The following DNAJB6 variants were observed in gnomAD, a reference collection of about 807,000 sequenced individuals.
The protein encoded by DNAJB6 is dnaJ homolog subfamily B member 6.
In DNAJB6, 16 loss-of-function variants were observed where a neutral mutation model predicts 42.7. That is an observed-to-expected ratio of 0.37 (90% CI 0.25 to 0.57). DNAJB6 has a LOEUF of 0.57. Ranked by LOEUF, DNAJB6 falls within the 20% of genes least tolerant of loss-of-function variation. The pLI is 0.74. For missense variants in DNAJB6, 347 were observed against 416.8 expected (o/e 0.83, Z 1.46); for synonymous variants, 170 against 163.5 (o/e 1.04, Z -0.30).
At chr7:157,350,271 AG>A (rs1456094735) in intron 1 of DNAJB6, among the ~76,000 whole-genome samples, 1 of 152,188 alleles carries the variant, frequency 6.6e-6, no homozygotes, top group African/African-American at 2.4e-5. Context: ...CAGGTAGGTC[AG>A]GGTTTCTCAG....
At chr7:157,337,705 C>T (rs574260737) in intron 1 of DNAJB6, 1 of 152,400 alleles carries the variant, frequency 6.6e-6, no homozygotes, top group East Asian at 1.9e-4. Flanking sequence ...GGCTGCCTTT[C>T]TCACTCAGAA....
intron 5 of DNAJB6, chr7:157,381,845 A>G (rs1396365720): frequency 6.4e-6 from 1 of 155,856 alleles, no homozygotes; most frequent in Non-Finnish European, 1.4e-5. Flanking sequence ...GGCAACTCAG[A>G]CTCCAAGGAA....
rs114759633 is a variant in DNAJB6 at position 157,400,171 on chromosome 7, C to T, written c.692-9624C>T. On this transcript the variant is annotated intron_variant, in intron 8 of 9. Coordinates refer to ENST00000262177, the MANE Select transcript of DNAJB6 (RefSeq NM_058246.4). ...TCGGTTTCTTTGTGAGCTGCAGTAACGGGAAAGCAAGTTCTAGGGAAGTGT... is the reference window on the plus strand; with the variant it reads ...TCGGTTTCTTTGTGAGCTGCAGTAATGGGAAAGCAAGTTCTAGGGAAGTGT... Among the ~76,000 whole-genome samples, 635 of 152,332 alleles carry T rather than the reference C, an allele frequency of 4.2e-3. 3 individuals carry two copies. The highest frequency in any genetic ancestry group is 0.015 in the African/African-American group (611 of 41,562).
In DNAJB6 at chr7:157,366,702, G is replaced by A. The variant is rs568445016; in HGVS notation, c.235+141G>A. ...TAGAAAGCGAACTAAATTGGGGAGA[G>A]GACAGAGAAATTGATGGCATTTAAA... is the stretch of plus-strand genomic sequence containing the variant. On this transcript the variant is annotated intron_variant, in intron 4 of 9. Coordinates refer to ENST00000262177, the MANE Select transcript of DNAJB6 (RefSeq NM_058246.4). 161 of 715,068 alleles carry A rather than the reference G, an allele frequency of 2.3e-4. 1 individual carries two copies. Among genetic ancestry groups the A allele is most frequent in the African/African-American group, 2.2e-3 (119 of 55,322 alleles). 44.3% of individuals were successfully genotyped at this position (715,068 alleles called of 1,614,324 possible).
At chr7:157,354,026 G>C (rs1258470381) in intron 1 of DNAJB6, among the ~76,000 whole-genome samples, 1 of 152,170 alleles carries the variant, frequency 6.6e-6, no homozygotes, top group African/African-American at 2.4e-5. Flanking sequence ...AGCCAGTATA[G>C]TAAATTTTTA....
intron 5 of DNAJB6, 38 bp from the exon 6 acceptor site, chr7:157,382,208 A>T (rs746162016): frequency 6.5e-7 from 1 of 1,533,090 alleles, no homozygotes; most frequent in Admixed American, 2.4e-5. Context: ...AAAACTTGAA[A>T]AAAAGACTTC....
chr7:157,374,915 A>G (rs1311806365), intron 5 of DNAJB6, among the ~76,000 whole-genome samples: 2 of 152,218 alleles, frequency 1.3e-5, no homozygotes, highest in East Asian at 1.9e-4. Context: ...TCACCTGAGC[A>G]AGACGTTGCC....
At chr7:157,397,436 A>G (rs1801645061) in intron 8 of DNAJB6, among the ~76,000 whole-genome samples, 1 of 152,152 alleles carries the variant, frequency 6.6e-6, no homozygotes, top group Non-Finnish European at 1.5e-5. Context: ...CTCTGACATG[A>G]GTGGGGATGC....
chr7:157,399,614 A>G (rs1801752190), intron 8 of DNAJB6, among the ~76,000 whole-genome samples: 1 of 151,938 alleles, frequency 6.6e-6, no homozygotes, highest in Non-Finnish European at 1.5e-5. Flanking sequence ...ACATCACCTA[A>G]CATACCCCTG....
intron 5 of DNAJB6, among the ~76,000 whole-genome samples, chr7:157,369,892 C>T (rs35698750): frequency 0.07 from 7,007 of 99,952 alleles, 166 homozygotes; most frequent in Middle Eastern, 0.096. Context: ...GGCCCCTTCT[C>T]AACATTATTA....
chr7:157,354,296 C>T (rs1008400515), intron 1 of DNAJB6, among the ~76,000 whole-genome samples: 6 of 151,892 alleles, frequency 4.0e-5, no homozygotes, highest in Admixed American at 2.0e-4. Flanking sequence ...TACAGGCATG[C>T]GCTACCACGC....
At chr7:157,404,434 G>A (rs1486099232) in intron 8 of DNAJB6, among the ~76,000 whole-genome samples, 1 of 149,482 alleles carries the variant, frequency 6.7e-6, no homozygotes, top group Non-Finnish European at 1.5e-5. Flanking sequence ...TGGGACTGTA[G>A]GCGTGCAACA....
chr7:157,388,428 T>C (rs1364770594), intron 8 of DNAJB6, among the ~76,000 whole-genome samples: 2 of 152,180 alleles, frequency 1.3e-5, no homozygotes, highest in Non-Finnish European at 2.9e-5. Flanking sequence ...AACAGTCTCT[T>C]TACTTGCTGT....
At chr7:157,410,105 C>CCTG in intron 9 of DNAJB6, 104 bp downstream of exon 9, 1 of 1,437,456 alleles carries the variant, frequency 7.0e-7, no homozygotes, top group Non-Finnish European at 9.1e-7. Flanking sequence ...GTGTTCTGAC[C>CCTG]TGAGCGGGCG....
At chr7:157,400,650 C>T (rs1354270254) in intron 8 of DNAJB6, among the ~76,000 whole-genome samples, 4 of 152,204 alleles carry the variant, frequency 2.6e-5, no homozygotes, top group Non-Finnish European at 4.4e-5. Flanking sequence ...GGCTCACCGC[C>T]GGGGCTCTTG....
At chr7:157,375,985 GT>G (rs1800451444) in intron 5 of DNAJB6, among the ~76,000 whole-genome samples, 1 of 152,144 alleles carries the variant, frequency 6.6e-6, no homozygotes, top group Admixed American at 6.6e-5. Context: ...TTGACAGTGG[GT>G]CCTGAAATCA....
intron 5 of DNAJB6, chr7:157,382,036 A>G (rs2117074579): frequency 2.2e-6 from 1 of 461,608 alleles, no homozygotes; most frequent in South Asian, 3.1e-5. Flanking sequence ...GATACAATGT[A>G]TTGTAGTTTT....
At chr7:157,375,862 T>C (rs536048233) in intron 5 of DNAJB6, among the ~76,000 whole-genome samples, 1 of 152,330 alleles carries the variant, frequency 6.6e-6, no homozygotes, top group African/African-American at 2.4e-5. Flanking sequence ...GTTTTAGCTT[T>C]GGAACTTGAG....
intron 1 of DNAJB6, among the ~76,000 whole-genome samples, chr7:157,341,237 G>A (rs1424174964): frequency 6.6e-6 from 1 of 152,052 alleles, no homozygotes; most frequent in Non-Finnish European, 1.5e-5. Flanking sequence ...CGATTCTCCT[G>A]CCTCAGCCTC....
Sources: gnomAD v4.1 joint callset for allele counts (sites outside exome capture counted in the v4.1 genomes callset) on GRCh38, gnomAD v4.1.1 for gene constraint, MANE v1.5 for transcripts, NCBI Gene and HGNC (gene_info 2026-07-23, HGNC 2026-07-21) for gene names.